The following MSI2 variants were observed in gnomAD, a reference collection of about 807,000 sequenced individuals.
MSI2 encodes the protein musashi RNA binding protein 2, also known as RNA-binding protein Musashi homolog 2.
A neutral mutation model predicts 45.6 loss-of-function variants in MSI2; 17 were observed. That is an observed-to-expected ratio of 0.37 (90% CI 0.26 to 0.56). The LOEUF (loss-of-function observed/expected upper bound fraction) is 0.56, where lower values mean the gene tolerates loss of function less well. MSI2 is among the 20% of genes least tolerant of loss of function. The pLI is 0.77. For missense variants in MSI2, 293 were observed against 444.2 expected (o/e 0.66, Z 3.06); for synonymous variants, 156 against 158.2 (o/e 0.99, Z 0.11).
At chr17:57,624,514 T>C (rs1398616516) in intron 9 of MSI2, among the ~76,000 whole-genome samples, 3 of 152,220 alleles carry the variant, frequency 2.0e-5, no homozygotes, top group Admixed American at 2.0e-4. Context: ...CCTTCCTTCT[T>C]TCTCCGTCGG....
At chr17:57,590,069 T>G (rs1406593045) in intron 7 of MSI2, among the ~76,000 whole-genome samples, 1 of 152,254 alleles carries the variant, frequency 6.6e-6, no homozygotes, top group Non-Finnish European at 1.5e-5. Context: ...TATTCTTAAG[T>G]ACACATACCT....
intron 8 of MSI2, among the ~76,000 whole-genome samples, chr17:57,613,600 A>G (rs1907385573): frequency 6.6e-6 from 1 of 152,222 alleles, no homozygotes; most frequent in Non-Finnish European, 1.5e-5. Context: ...CTCCAGAAAA[A>G]TACGTGCCAA....
chr17:57,516,679 C>G (rs1396609813), intron 6 of MSI2, among the ~76,000 whole-genome samples: 1 of 152,134 alleles, frequency 6.6e-6, no homozygotes, highest in Non-Finnish European at 1.5e-5. Context: ...TGCTTTCCTG[C>G]GTGTTGTATC....
chr17:57,642,422 A>G (rs1910329008), intron 10 of MSI2, among the ~76,000 whole-genome samples: 1 of 152,212 alleles, frequency 6.6e-6, no homozygotes, highest in Non-Finnish European at 1.5e-5. Flanking sequence ...AGCCACGCCC[A>G]GGTCCTTGAG....
At chr17:57,317,003 T>G (rs981715720) in intron 5 of MSI2, among the ~76,000 whole-genome samples, 1 of 151,696 alleles carries the variant, frequency 6.6e-6, no homozygotes, top group Admixed American at 6.6e-5. Flanking sequence ...TTGTTTCCAT[T>G]GCCCACAAGA....
chr17:57,333,720 G>A (rs1302674707), intron 5 of MSI2, among the ~76,000 whole-genome samples: 4 of 151,866 alleles, frequency 2.6e-5, no homozygotes, highest in African/African-American at 7.3e-5. Context: ...GGGATTTATA[G>A]GCATGAGCCA....
intron 6 of MSI2, among the ~76,000 whole-genome samples, chr17:57,527,136 C>CA (rs1303445300): frequency 2.0e-5 from 3 of 152,154 alleles, no homozygotes; most frequent in African/African-American, 7.2e-5. Context: ...CACAGAAGGG[C>CA]AGCTGTTTTC....
intron 6 of MSI2, among the ~76,000 whole-genome samples, chr17:57,496,464 A>G (rs957210720): frequency 1.3e-5 from 2 of 152,156 alleles, no homozygotes; most frequent in Non-Finnish European, 2.9e-5. Flanking sequence ...GCATTTTCTC[A>G]GCCCGGTGAG....
intron 7 of MSI2, among the ~76,000 whole-genome samples, chr17:57,576,579 A>C (rs769772871): frequency 5.3e-5 from 8 of 151,988 alleles, no homozygotes; most frequent in Non-Finnish European, 8.8e-5. Flanking sequence ...AATATGGTAA[A>C]ACCCTGTCTC....
At chr17:57,440,363 G>A (rs551070718) in intron 6 of MSI2, among the ~76,000 whole-genome samples, 3 of 151,026 alleles carry the variant, frequency 2.0e-5, no homozygotes, top group African/African-American at 7.3e-5. Flanking sequence ...TGTGGGCTTA[G>A]CATCAGTCAG....
chr17:57,324,545 G>A (rs1913628715), intron 5 of MSI2, among the ~76,000 whole-genome samples: 1 of 152,214 alleles, frequency 6.6e-6, no homozygotes, highest in South Asian at 2.1e-4. Flanking sequence ...TTGGCCCATG[G>A]ATACTTATAT....
intron 6 of MSI2, among the ~76,000 whole-genome samples, chr17:57,418,520 A>G (rs1179080824): frequency 6.6e-6 from 1 of 152,240 alleles, no homozygotes; most frequent in Non-Finnish European, 1.5e-5. Context: ...GTTATAGTGA[A>G]TAGGCAAGGA....
At chr17:57,671,174 C>T (rs1458397818) in intron 11 of MSI2, among the ~76,000 whole-genome samples, 2 of 152,140 alleles carry the variant, frequency 1.3e-5, no homozygotes, top group Non-Finnish European at 2.9e-5. Context: ...ACCTGATCAC[C>T]GCAATGAGCC....
At chr17:57,472,118 C>T (rs2085449794) in intron 6 of MSI2, among the ~76,000 whole-genome samples, 1 of 152,130 alleles carries the variant, frequency 6.6e-6, no homozygotes, top group African/African-American at 2.4e-5. Context: ...CCGGTTCCTG[C>T]CTGTGAGTGG....
intron 7 of MSI2, among the ~76,000 whole-genome samples, chr17:57,584,889 G>A (rs933066821): frequency 2.6e-5 from 4 of 151,656 alleles, no homozygotes; most frequent in Non-Finnish European, 5.9e-5. Flanking sequence ...TGGCATGATC[G>A]CGGCTCACTG....
chr17:57,294,660 T>C (rs2143492231), intron 5 of MSI2: 1 of 152,388 alleles, frequency 6.6e-6, no homozygotes, highest in East Asian at 1.9e-4. Flanking sequence ...AGTTGTCTTG[T>C]CTCTGACCCA....
intron 5 of MSI2, chr17:57,265,689 T>G (rs1368440547): frequency 6.6e-6 from 1 of 152,204 alleles, no homozygotes; most frequent in Non-Finnish European, 1.5e-5. Context: ...TATATTTTGA[T>G]CAGGGCAAGA....
intron 7 of MSI2, among the ~76,000 whole-genome samples, chr17:57,589,112 C>T (rs1235316848): frequency 1.3e-5 from 2 of 152,170 alleles, no homozygotes; most frequent in Non-Finnish European, 2.9e-5. Context: ...TCCCACCTTA[C>T]AAAGTCCACA....
At chr17:57,459,990 G>A (rs1007959412) in intron 6 of MSI2, among the ~76,000 whole-genome samples, 3 of 152,052 alleles carry the variant, frequency 2.0e-5, no homozygotes, top group South Asian at 4.2e-4. Context: ...TTAGCTGGGC[G>A]TGATGACAGG....
Sources: gnomAD v4.1 joint callset for allele counts (sites outside exome capture counted in the v4.1 genomes callset) on GRCh38, gnomAD v4.1.1 for gene constraint, MANE v1.5 for transcripts, NCBI Gene and HGNC (gene_info 2026-07-23, HGNC 2026-07-21) for gene names.